ZFYVE28: variants seen among roughly 807,000 people sequenced by gnomAD.
The protein encoded by ZFYVE28 is zinc finger FYVE-type containing 28.
A neutral mutation model predicts 82.1 loss-of-function variants in ZFYVE28; 40 were observed. The ratio of observed to expected loss-of-function variants is 0.49; its 90% confidence interval spans 0.38 to 0.63. The LOEUF (loss-of-function observed/expected upper bound fraction) is 0.63, where lower values mean the gene tolerates loss of function less well. Ranked by LOEUF, ZFYVE28 falls within the 30% of genes least tolerant of loss-of-function variation. The pLI is 0.00. For missense variants in ZFYVE28, 1,321 were observed against 1,242.1 expected (o/e 1.06, Z -0.96); for synonymous variants, 612 against 546.1 (o/e 1.12, Z -1.68).
chr4:2,278,573 G>A (rs1711515270), intron 8 of ZFYVE28, among the ~76,000 whole-genome samples: 2 of 151,956 alleles, frequency 1.3e-5, no homozygotes, highest in South Asian at 2.1e-4. Flanking sequence ...CCTAAAGCAT[G>A]GGCAACAAAA....
chr4:2,357,177 G>T (rs1238874258), intron 1 of ZFYVE28, among the ~76,000 whole-genome samples: 4 of 152,196 alleles, frequency 2.6e-5, no homozygotes, highest in Non-Finnish European at 2.9e-5. Context: ...GATTACAGGC[G>T]TGAGCCACCG....
At position 2,304,329 on chromosome 4, in the gene ZFYVE28, G is replaced by A. The variant is rs375668662; in HGVS notation, c.2011C>T (p.Pro671Ser). ...PEARELHAGS[P>S]SAHEAPQALS... Reference sequence around the variant, plus strand: ...GCCTGAGGCGCCTCGTGAGCCGAGGGGCTCCCAGCATGCAGCTCTCTGGCC... The same window carrying A: ...GCCTGAGGCGCCTCGTGAGCCGAGGAGCTCCCAGCATGCAGCTCTCTGGCC... The change falls in exon 8 of 13, where the codon CCC (proline) becomes TCC (serine). Residue 671 changes from proline to serine, a missense_variant. This residue lies in a region of ZFYVE28 where 978 missense variants were observed against 833.7 expected (regional missense o/e 1.17). Coordinates refer to ENST00000290974, the MANE Select transcript of ZFYVE28 (RefSeq NM_020972.3). The A allele has an allele frequency of 4.0e-5, 64 of 1,603,432 alleles. No homozygotes were observed. In the East Asian group the frequency reaches 6.7e-4, roughly 17 times the overall value.
chr4:2,410,883 G>T (rs1409133612), intron 1 of ZFYVE28, among the ~76,000 whole-genome samples: 1 of 152,170 alleles, frequency 6.6e-6, no homozygotes, highest in Non-Finnish European at 1.5e-5. Context: ...CCTTTTGGCT[G>T]TTATGTATAA....
At chr4:2,322,615 T>C (rs377205176) in intron 6 of ZFYVE28, among the ~76,000 whole-genome samples, 3 of 152,196 alleles carry the variant, frequency 2.0e-5, no homozygotes, top group East Asian at 3.9e-4. Flanking sequence ...AATAAATTCA[T>C]ATAACGAACA....
At chr4:2,376,371 T>TAA (rs55652132) in intron 1 of ZFYVE28, among the ~76,000 whole-genome samples, 90 of 75,726 alleles carry the variant, frequency 1.2e-3, no homozygotes, top group African/African-American at 4.0e-3. Flanking sequence ...ACCCTATCTC[T>TAA]AAAAAAAAAA....
intron 2 of ZFYVE28, among the ~76,000 whole-genome samples, chr4:2,348,994 T>C (rs143399592): frequency 3.5e-4 from 54 of 152,202 alleles, no homozygotes; most frequent in African/African-American, 1.2e-3. Flanking sequence ...AACAACCCCT[T>C]GTTTTCTGTT....
intron 8 of ZFYVE28, among the ~76,000 whole-genome samples, chr4:2,303,800 C>T (rs560849768): frequency 6.6e-6 from 1 of 152,372 alleles, no homozygotes; most frequent in Non-Finnish European, 1.5e-5. Flanking sequence ...CGCCCACGGC[C>T]ACGGGTCTGC....
intron 1 of ZFYVE28, among the ~76,000 whole-genome samples, chr4:2,380,850 G>A (rs1041415983): frequency 6.6e-6 from 1 of 152,212 alleles, no homozygotes; most frequent in Non-Finnish European, 1.5e-5. Context: ...ATGTGGAACT[G>A]TAAGTCCAAT....
chr4:2,403,971 G>GAA (rs35312512), intron 1 of ZFYVE28, among the ~76,000 whole-genome samples: 15 of 129,010 alleles, frequency 1.2e-4, no homozygotes, highest in African/African-American at 3.2e-4. Flanking sequence ...CTCCATTTCG[G>GAA]AAAAAAAAAA....
At chr4:2,359,494 T>C (rs1560278940) in intron 1 of ZFYVE28, among the ~76,000 whole-genome samples, 1 of 152,146 alleles carries the variant, frequency 6.6e-6, no homozygotes. Context: ...TAATCCAATA[T>C]ACCTGGTGTC....
chr4:2,356,019 G>A (rs1173465676), intron 1 of ZFYVE28, among the ~76,000 whole-genome samples: 9 of 152,184 alleles, frequency 5.9e-5, no homozygotes, highest in Admixed American at 1.3e-4. Context: ...CGTTTCCTCC[G>A]TGTGCTCTGG....
In ZFYVE28 at chr4:2,341,441, A is replaced by C. The variant is rs767414369; in HGVS notation, c.318+37T>G. The C allele has an allele frequency of 6.8e-6, 11 of 1,609,504 alleles. No homozygotes were observed. In the African/African-American group the frequency reaches 1.5e-4, roughly 22 times the overall value. ...CAGGGACTTGGCTAGACGCCACCCC[A>C]CATCAGGACCTCCGAACCCGGGTGG... is the stretch of plus-strand genomic sequence containing the variant. On this transcript the variant is annotated intron_variant, in intron 3 of 12. Transcript: ENST00000290974. This position sits in a 1 kb window ranked among gnomAD's most constrained non-coding sequence, Gnocchi z 4.5.
intron 7 of ZFYVE28, 60 bp from the exon 8 acceptor site, chr4:2,305,596 C>A: frequency 6.2e-7 from 1 of 1,600,234 alleles, no homozygotes. Flanking sequence ...GCCTCCTTGG[C>A]CAGGAGTGGA....
chr4:2,377,652 G>A (rs1322154643), intron 1 of ZFYVE28, among the ~76,000 whole-genome samples: 1 of 152,158 alleles, frequency 6.6e-6, no homozygotes, highest in East Asian at 1.9e-4. Context: ...CGGCACTTGG[G>A]GTTGCTGAGA....
rs1726336839 is a variant in ZFYVE28 at position 2,362,763 on chromosome 4, C to T, written c.40-8690G>A. On this transcript the variant is annotated intron_variant, in intron 1 of 12. Coordinates refer to ENST00000290974, the MANE Select transcript of ZFYVE28 (RefSeq NM_020972.3). The surrounding 1 kb of genome is among the most constrained non-coding windows in gnomAD (Gnocchi z 5.1). ...TGTTACTATTGTTGCTACTGTCTCC[C>T]TCCCCATCCATCTGTCCCCTTTCTC... 6.6e-6 allele frequency among the ~76,000 whole-genome samples: 1 copy of T among 152,158 alleles called. No homozygotes were observed. Among genetic ancestry groups the T allele is most frequent in the East Asian group, 1.9e-4 (1 of 5,154 alleles).
chr4:2,413,556 G>A (rs1174303223), intron 1 of ZFYVE28, among the ~76,000 whole-genome samples: 14 of 152,204 alleles, frequency 9.2e-5, no homozygotes, highest in East Asian at 1.9e-4. Context: ...AGGGAGCACC[G>A]CCGGGCTCAG....
At chr4:2,385,538 G>C (rs1317489712) in intron 1 of ZFYVE28, among the ~76,000 whole-genome samples, 1 of 152,236 alleles carries the variant, frequency 6.6e-6, no homozygotes, top group African/African-American at 2.4e-5. Flanking sequence ...GCGCCCCTTT[G>C]TTTCTGCAGC....
chr4:2,329,093 T>C, intron 6 of ZFYVE28: 1 of 699,362 alleles, frequency 1.4e-6, no homozygotes, highest in Non-Finnish European at 2.6e-6. Flanking sequence ...GTTTTGGCTA[T>C]TTAGGGCCCA....
chr4:2,319,919 G>C (rs1353300367), intron 7 of ZFYVE28, among the ~76,000 whole-genome samples: 1 of 152,192 alleles, frequency 6.6e-6, no homozygotes, highest in Non-Finnish European at 1.5e-5. Context: ...ATGTCAGGAA[G>C]TGTGAGGTTC....
Sources: gnomAD v4.1 joint callset for allele counts (sites outside exome capture counted in the v4.1 genomes callset) on GRCh38, gnomAD v4.1.1 for gene constraint, gnomAD v4.1.1 regional missense constraint, Gnocchi (gnomAD v3.1) non-coding constraint, MANE v1.5 for transcripts, NCBI Gene and HGNC (gene_info 2026-07-23, HGNC 2026-07-21) for gene names.